The following FLNA variants were observed in gnomAD, a reference collection of about 807,000 sequenced individuals.
FLNA encodes the protein filamin A.
A neutral mutation model predicts 157.6 loss-of-function variants in FLNA; 7 were observed. That is an observed-to-expected ratio of 0.04 (90% CI 0.03 to 0.08). FLNA has a LOEUF of 0.08. Ranked by LOEUF, FLNA falls within the 10% of genes least tolerant of loss-of-function variation. The pLI, the probability that FLNA is intolerant of heterozygous loss-of-function variation, is 1.00. For synonymous variants in FLNA, 1,103 were observed against 1,060.8 expected (o/e 1.04, Z -0.77); for missense variants, 1,750 against 2,398.4 (o/e 0.73, Z 5.65).
At position 154,348,728 on chromosome X, in the gene FLNA, G is replaced by C; in HGVS notation, c.*121C>G. 3.2e-6 allele frequency: 2 copies of C among 631,351 alleles called. No individual in the cohort carries two copies. The highest frequency in any genetic ancestry group is 2.4e-6 in the Non-Finnish European group (1 of 412,020). 52.0% of individuals were successfully genotyped at this position (631,351 alleles called of 1,213,427 possible). On this transcript the variant is annotated 3_prime_UTR_variant, in exon 48 of 48. Coordinates refer to ENST00000369850, the MANE Select transcript of FLNA (RefSeq NM_001110556.2). ...GTGAGCGCAGCACGGCACAGGGCAG[G>C]GGCGGCTGCAGTGACAGGCGGGCGG...
Position 154,352,165 on chromosome X carries a change from G to A in FLNA, c.6769+16C>T. 3 of 1,210,118 alleles carry A rather than the reference G, an allele frequency of 2.5e-6. No homozygotes were observed. Among genetic ancestry groups the A allele is most frequent in the Non-Finnish European group, 3.4e-6 (3 of 894,942 alleles). ...CAACGCAGGAGAGCGAGCACTCGGG[G>A]TGTGAGCAGGCCTACCTGGCACTCC... On this transcript the variant is annotated intron_variant, in intron 41 of 47. Transcript: ENST00000369850.
Position 154,364,033 on chromosome X carries a change from T to C in FLNA, c.2269A>G (p.Ser757Gly). 8.3e-7 allele frequency: 1 copy of C among 1,211,165 alleles called. No homozygotes were observed. The highest frequency in any genetic ancestry group is 1.1e-6 in the Non-Finnish European group (1 of 895,186). Residue 757 changes from serine to glycine, a missense_variant, in exon 15 of 48, where the codon AGC (serine) becomes GGC (glycine). Physicochemically the swap from Ser to Gly is moderately conservative, Grantham distance 56. Coordinates refer to ENST00000369850, the MANE Select transcript of FLNA (RefSeq NM_001110556.2). Reference sequence around the variant, plus strand: ...GGAGGTTGGCTCACCCTGAAGGGGCTGTTGGGGATGCTGACGCCTCCCCAG... The same window carrying C: ...GGAGGTTGGCTCACCCTGAAGGGGCCGTTGGGGATGCTGACGCCTCCCCAG... Reference protein sequence around the residue: ...VSWGGVSIPNSPFRVNVGAGS... With the variant: ...VSWGGVSIPNGPFRVNVGAGS...
In FLNA at chrX:154,365,605, A is replaced by G. The variant is rs1296057956; in HGVS notation, c.1430-119T>C. ...CCTCAGAGCTTGGCTGGAGGGGGAC[A>G]TGCAAGACAGAACTGGAAGGGACTG... On this transcript the variant is annotated intron_variant, in intron 9 of 47. Transcript: ENST00000369850. The G allele has an allele frequency of 7.9e-6, 7 of 882,396 alleles. No individual in the cohort carries two copies. The Admixed American group carries it at 1.3e-4, about 17-fold the overall frequency. The allele number at this position is 882,396 out of a possible 1,213,427, so 72.7% of individuals were successfully genotyped here. A position where few individuals can be genotyped will look rare whatever the true frequency, so the allele number is the denominator to read the frequency against.
chrX:154,353,792 G>A, intron 35 of FLNA, 65 bp from the exon 36 acceptor site: 40 of 1,191,108 alleles, frequency 3.4e-5, no homozygotes, highest in Non-Finnish European at 4.6e-5. Context: ...CTGCACTGAG[G>A]AGCTCCGATG....
intron 27 of FLNA, 24 bp downstream of exon 27, chrX:154,358,421 C>T (rs1557177270): frequency 8.3e-7 from 1 of 1,211,199 alleles, no homozygotes; most frequent in Non-Finnish European, 1.1e-6. Context: ...CCACTCCCCA[C>T]AGGCAGCAGG....
rs1327468609 is a variant in FLNA at position 154,350,985 on chromosome X, G to A, written c.7080C>T (p.Ala2360=). ...PASFAVSLNG[A]KGAIDAKVHS... ...GCACCTTGGCATCGATCGCCCCCTT[G>A]GCCCCGTTCAGGCTGACTGCAAAAG... Residue 2360 remains alanine, a synonymous_variant, in exon 44 of 48, where the codon GCC becomes GCT. Transcript: ENST00000369850. The A allele has an allele frequency of 8.3e-7, 1 of 1,209,662 alleles. No homozygotes were observed. The highest frequency in any genetic ancestry group is 1.7e-5 in the African/African-American group (1 of 57,348).
At chrX:154,355,326 G>A (rs2067654669) in intron 30 of FLNA, among the ~76,000 whole-genome samples, 1 of 113,667 alleles carries the variant, frequency 8.8e-6, no homozygotes, top group Non-Finnish European at 1.9e-5. Flanking sequence ...GTGCCTGGGA[G>A]GAAAAGGAAG....
In FLNA at chrX:154,364,936, G is replaced by A. The variant is rs782122510; in HGVS notation, c.1713C>T (p.Gly571=). ...IGRSPFEVKV[G]TECGNQKVRA... ...GTACCTTCTGATTGCCACACTCGGT[G>A]CCCACCTTCACTTCGAAGGGACTGC... Residue 571 remains glycine, a synonymous_variant, in exon 12 of 48, where the codon GGC becomes GGT. Coordinates refer to ENST00000369850, the MANE Select transcript of FLNA (RefSeq NM_001110556.2). 1.2e-5 allele frequency: 14 copies of A among 1,209,784 alleles called. No individual in the cohort carries two copies. In the East Asian group the frequency reaches 2.7e-4, roughly 23 times the overall value.
rs782613404 is a variant in FLNA at position 154,349,850 on chromosome X, C to T, written c.7351G>A (p.Val2451Ile). The part of the protein sequence containing the change: ...GGVTGNPAEF[V>I]VNTSNAGAGA... ...GCTCCCGCATTGCTCGTGTTCACGA[C>T]GAACTCAGCTGGGTTCCCTGGGAGC... Residue 2451 changes from valine (V) to isoleucine (I), a missense_variant, in exon 46 of 48, where the codon GTC becomes ATC. This residue lies in a region of FLNA where 970 missense variants were observed against 1,302.6 expected (regional missense o/e 0.74). Coordinates refer to ENST00000369850, the MANE Select transcript of FLNA (RefSeq NM_001110556.2). The T allele has an allele frequency of 7.4e-6, 9 of 1,210,932 alleles. No individual in the cohort carries two copies. Among genetic ancestry groups the T allele is most frequent in the Non-Finnish European group, 1.0e-5 (9 of 895,099 alleles).
At chrX:154,370,778 C>A in intron 2 of FLNA, 95 bp downstream of exon 2, 1 of 980,913 alleles carries the variant, frequency 1.0e-6, no homozygotes. Context: ...CGCTGCGGCC[C>A]GGAAGGGGGT....
At chrX:154,370,318 C>A (rs964472442) in intron 2 of FLNA, among the ~76,000 whole-genome samples, 37 of 111,379 alleles carry the variant, frequency 3.3e-4, no homozygotes, top group African/African-American at 1.2e-3. Context: ...CCCAGGTTGC[C>A]TGTGTGTGTG....
At chrX:154,349,971 A>C in intron 45 of FLNA, 60 bp downstream of exon 45, 9 of 1,191,214 alleles carry the variant, frequency 7.6e-6, no homozygotes, top group Non-Finnish European at 1.0e-5. Context: ...TGTCACCAAG[A>C]GCTTGGAGGC....
In FLNA at chrX:154,353,847, A is replaced by C. The variant is rs2067641560; in HGVS notation, c.5686+68T>G. ...GAGCCCCATTCAGGAGTATCTCCTG[A>C]GTCCAGCCCTTACCCCGGTGAGGGC... On this transcript the variant is annotated intron_variant, in intron 35 of 47. Transcript: ENST00000369850. The C allele has an allele frequency of 5.0e-6, 6 of 1,201,627 alleles. No individual in the cohort carries two copies. The Admixed American group carries it at 1.1e-4, about 22-fold the overall frequency.
chrX:154,359,334 G>A lies in FLNA; in HGVS notation c.4215C>T (p.Asn1405=), dbSNP rs371601228. The change falls in exon 25 of 48, where the codon AAC becomes AAT. Residue 1405 remains asparagine (N), a synonymous_variant. Coordinates refer to ENST00000369850, the MANE Select transcript of FLNA (RefSeq NM_001110556.2). ...PSEAKMSCMD[N]KDGSCSVEYI... is the part of the protein sequence containing the mutation. The stretch of plus-strand genomic sequence containing the variant: ...ACTCGACCGAGCAGCTGCCGTCCTT[G>A]TTATCCATGCAGGACATCTTGGCCT... The A allele has an allele frequency of 9.1e-6, 11 of 1,209,890 alleles. No individual in the cohort carries two copies. Among genetic ancestry groups the A allele is most frequent in the East Asian group, 3.0e-5 (1 of 33,793 alleles).
At chrX:154,367,350 G>C (rs782203651) in intron 5 of FLNA, 47 bp downstream of exon 5, 2 of 1,193,550 alleles carry the variant, frequency 1.7e-6, no homozygotes, top group South Asian at 3.5e-5. Context: ...ACTGTCTTAT[G>C]GGGAAGACGT....
At position 154,373,077 on chromosome X, in the gene FLNA, G is replaced by A. The variant is rs190298911; in HGVS notation, c.-117+1429C>T. Reference sequence around the variant, plus strand: ...ACACCTGCACCAAGTGCGCCTGGGCGTCTGGGAGCTGGGGTGGAGGTGGGA... The same window carrying A: ...ACACCTGCACCAAGTGCGCCTGGGCATCTGGGAGCTGGGGTGGAGGTGGGA... On this transcript the variant is annotated intron_variant, in intron 1 of 47. Coordinates refer to ENST00000369850, the MANE Select transcript of FLNA (RefSeq NM_001110556.2). Among the ~76,000 whole-genome samples the A allele has an allele frequency of 1.2e-3, 132 of 110,762 alleles. 1 individual carries two copies. Among genetic ancestry groups the A allele is most frequent in the African/African-American group, 4.1e-3 (124 of 30,576 alleles).
rs781912776 is a variant in FLNA, at chrX:154,348,885, G to A, written c.7908C>T (p.His2636=). The A allele has an allele frequency of 5.8e-6, 7 of 1,210,681 alleles. No individual in the cohort carries two copies. The highest frequency in any genetic ancestry group is 2.2e-5 in the Admixed American group (1 of 46,077). ...YTLVVKWGDE[H]IPGSPYRVVV... ...CAACGCGGTAGGGGCTGCCTGGGAT[G>A]TGCTCGTCCCCCCATTTGACCACCA... The change falls in exon 48 of 48, where the codon CAC becomes CAT. Residue 2636 remains histidine, a synonymous_variant. Transcript: ENST00000369850.
Position 154,355,072 on chromosome X carries a change from C to T in FLNA, c.4970G>A (p.Gly1657Asp), listed in dbSNP as rs1557176662. Residue 1657 changes from glycine (G) to aspartate (D), a missense_variant and splice_region_variant, in exon 31 of 48, where the codon GGT (glycine) becomes GAT (aspartate). Around this residue, in one of 5 missense-constraint regions of FLNA, gnomAD observed 970 missense variants for 1,302.6 expected, o/e 0.74. Coordinates refer to ENST00000369850, the MANE Select transcript of FLNA (RefSeq NM_001110556.2). ...CTGAATGGTGGGGCCGATGCCAGCA[C>T]CTGGTGGGGCAGGGTGGGTCCCCAA... ...VTVSIGGHGL[G>D]AGIGPTIQIG... 2.5e-6 allele frequency: 3 copies of T among 1,204,049 alleles called. No individual in the cohort carries two copies. Among genetic ancestry groups the T allele is most frequent in the Non-Finnish European group, 2.2e-6 (2 of 889,774 alleles).
At chrX:154,366,956 A>C in intron 5 of FLNA, 106 bp from the exon 6 acceptor site, 2 of 634,313 alleles carry the variant, frequency 3.2e-6, no homozygotes, top group Non-Finnish European at 5.2e-6. Context: ...CACATTCCAA[A>C]CTGGGCAAGT....
Sources: allele counts gnomAD v4.1 joint callset (sites outside exome capture counted in the v4.1 genomes callset), GRCh38; gene constraint gnomAD v4.1.1; regional missense constraint gnomAD v4.1.1; transcripts MANE v1.5; gene names NCBI Gene and HGNC (gene_info 2026-07-23, HGNC 2026-07-21).